CAPN3: variants seen among roughly 807,000 people sequenced by gnomAD.
The protein encoded by CAPN3 is calpain 3.
Under a neutral mutation model 114.0 loss-of-function variants are expected in CAPN3, and 88 were observed. The ratio of observed to expected loss-of-function variants is 0.77; its 90% CI spans 0.65 to 0.92. The LOEUF (loss-of-function observed/expected upper bound fraction) is 0.92, where lower values mean the gene tolerates loss of function less well. Ranked by LOEUF, CAPN3 falls within the 40% of genes least tolerant of loss-of-function variation. The pLI is 0.00. For synonymous variants in CAPN3, 386 were observed against 382.9 expected (o/e 1.01, Z -0.09); for missense variants, 1,028 against 1,069.0 (o/e 0.96, Z 0.53).
chr15:42,391,988 AC>A (rs541389647), intron 6 of CAPN3, among the ~76,000 whole-genome samples: 239 of 151,808 alleles, frequency 1.6e-3, no homozygotes, highest in African/African-American at 5.5e-3. Context: ...ACATGGTGAA[AC>A]CCCGTTTCTA....
At chr15:42,390,222 G>C (rs2053519773) in intron 6 of CAPN3, 126 bp downstream of exon 6, 1 of 1,076,364 alleles carries the variant, frequency 9.3e-7, no homozygotes, top group South Asian at 1.3e-5. Flanking sequence ...ACCTCCCAAG[G>C]GTCTGGGTTG....
intron 6 of CAPN3, among the ~76,000 whole-genome samples, chr15:42,390,893 T>G (rs1307712668): frequency 6.7e-6 from 1 of 149,340 alleles, no homozygotes; most frequent in Non-Finnish European, 1.5e-5. Flanking sequence ...AAAGTTAAAC[T>G]AATTCTCCTG....
intron 8 of CAPN3, among the ~76,000 whole-genome samples, chr15:42,395,629 G>A (rs1403502846): frequency 6.6e-6 from 1 of 152,192 alleles, no homozygotes; most frequent in Admixed American, 6.5e-5. Flanking sequence ...CAAGTCACCT[G>A]CAGGGACGCT....
Position 42,408,300 on chromosome 15 carries a change from T to C in CAPN3, c.1890T>C (p.Pro630=). 1 of 1,613,402 alleles carries C rather than the reference T, an allele frequency of 6.2e-7. No homozygotes were observed. The highest frequency in any genetic ancestry group is 8.5e-7 in the Non-Finnish European group (1 of 1,179,456). The part of the protein sequence containing the change: ...ESEEGKGKTS[P]DKQKQSPQPQ... The stretch of plus-strand genomic sequence containing the variant: ...AGGAGGGCAAAGGCAAAACAAGCCC[T>C]GATAAGCAAAAGCAGTCCCCACAGG... The change falls in exon 16 of 24, where the codon CCT becomes CCC. Residue 630 remains proline, a synonymous_variant. Transcript: ENST00000397163.
chr15:42,360,789 C>G (rs2052622334), intron 1 of CAPN3, among the ~76,000 whole-genome samples: 1 of 152,204 alleles, frequency 6.6e-6, no homozygotes, highest in Non-Finnish European at 1.5e-5. Context: ...TTTTAGGAAA[C>G]TCTCCCAGCC....
At chr15:42,407,646 T>C (rs1006773321) in intron 15 of CAPN3, among the ~76,000 whole-genome samples, 2 of 152,138 alleles carry the variant, frequency 1.3e-5, no homozygotes, top group Non-Finnish European at 2.9e-5. Context: ...ATATTTCTTA[T>C]ATGAGGGGCA....
intron 8 of CAPN3, among the ~76,000 whole-genome samples, chr15:42,395,627 C>T (rs922276691): frequency 2.0e-5 from 3 of 152,170 alleles, no homozygotes; most frequent in African/African-American, 7.2e-5. Flanking sequence ...CCCAAGTCAC[C>T]TGCAGGGACG....
chr15:42,375,160 G>C (rs76743073), intron 1 of CAPN3, among the ~76,000 whole-genome samples: 7,961 of 151,802 alleles, frequency 0.052, 642 homozygotes, highest in African/African-American at 0.17. Context: ...GGTCTCATGT[G>C]TCTTTTTCAG....
chr15:42,380,433 T>G (rs1395631913), intron 1 of CAPN3, among the ~76,000 whole-genome samples: 1 of 130,646 alleles, frequency 7.7e-6, no homozygotes, highest in East Asian at 2.3e-4. Context: ...CAGGCTGGAG[T>G]GCAGTGGTAT....
At chr15:42,404,977 A>G (rs28364502) in intron 14 of CAPN3, 188 of 993,930 alleles carry the variant, frequency 1.9e-4, no homozygotes, top group Non-Finnish European at 2.2e-4. Context: ...AGGCAGGTGC[A>G]GGGGTTTTGA....
chr15:42,361,235 G>A (rs1465148290), intron 1 of CAPN3, among the ~76,000 whole-genome samples: 1 of 152,200 alleles, frequency 6.6e-6, no homozygotes, highest in East Asian at 1.9e-4. Flanking sequence ...GAAGGCCCAG[G>A]CTGGAGGATT....
chr15:42,372,162 C>T (rs2052967233), intron 1 of CAPN3, among the ~76,000 whole-genome samples: 1 of 149,986 alleles, frequency 6.7e-6, no homozygotes, highest in African/African-American at 2.5e-5. Flanking sequence ...ACATCTTTAA[C>T]ATTTTTTTTT....
rs2053872517 is a variant in CAPN3 at position 42,401,659 on chromosome 15, C to T, written c.1373C>T (p.Pro458Leu). ...GGTGCAGATACTTTCTGGACCAACC[C>T]TCAGTACCGTCTGAAGCTCCTGGAG... ...RNFPDTFWTN[P>L]QYRLKLLEED... The change falls in exon 11 of 24, where the codon CCT becomes CTT. Residue 458 changes from proline (P) to leucine (L), a missense_variant. Transcript: ENST00000397163. The T allele has an allele frequency of 6.2e-7, 1 of 1,614,174 alleles. No individual in the cohort carries two copies. The highest frequency in any genetic ancestry group is 8.5e-7 in the Non-Finnish European group (1 of 1,180,024).
At chr15:42,366,387 T>C (rs2141116019) in intron 1 of CAPN3, among the ~76,000 whole-genome samples, 1 of 152,208 alleles carries the variant, frequency 6.6e-6, no homozygotes, top group South Asian at 2.1e-4. Context: ...GTCCTCATCA[T>C]CCAGGCAGAA....
chr15:42,408,738 C>T (rs559410170), intron 16 of CAPN3: 8 of 346,804 alleles, frequency 2.3e-5, no homozygotes, highest in South Asian at 9.3e-5. Context: ...CTAGAGCTCA[C>T]GGGAGGGTGT....
Position 42,412,303 on chromosome 15 carries a change from T to C in CAPN3, c.*530T>C, listed in dbSNP as rs1365585164. Reference sequence around the variant, plus strand: ...AAAAAAGCTGATCTAAATAAAGGCATGTGTATGGCTGGTCCCCTTGTGTTT... The same window carrying C: ...AAAAAAGCTGATCTAAATAAAGGCACGTGTATGGCTGGTCCCCTTGTGTTT... On this transcript the variant is annotated 3_prime_UTR_variant, in exon 24 of 24. Coordinates refer to ENST00000397163, the MANE Select transcript of CAPN3 (RefSeq NM_000070.3). 1 of 878,392 alleles carries C rather than the reference T, an allele frequency of 1.1e-6. No homozygotes were observed. Among genetic ancestry groups the C allele is most frequent in the Non-Finnish European group, 1.7e-6 (1 of 575,852 alleles). The allele number at this position is 878,392 out of a possible 1,614,324, so 54.4% of individuals were successfully genotyped here.
intron 7 of CAPN3, among the ~76,000 whole-genome samples, chr15:42,394,005 C>T (rs1251550158): frequency 6.6e-6 from 1 of 152,106 alleles, no homozygotes; most frequent in Non-Finnish European, 1.5e-5. Flanking sequence ...CAGGATGTTC[C>T]TGAGAAAATT....
intron 14 of CAPN3, chr15:42,404,383 G>C: frequency 2.2e-6 from 1 of 456,512 alleles, no homozygotes; most frequent in South Asian, 1.5e-5. Flanking sequence ...CTTTTCACAT[G>C]TGTCATCGCG....
intron 1 of CAPN3, among the ~76,000 whole-genome samples, chr15:42,378,856 A>G (rs192535473): frequency 7.4e-4 from 112 of 152,280 alleles, no homozygotes; most frequent in Non-Finnish European, 3.2e-4. Context: ...ACTTAGTTAA[A>G]AACATTTTGT....
Sources: allele counts gnomAD v4.1 joint callset (sites outside exome capture counted in the v4.1 genomes callset), GRCh38; gene constraint gnomAD v4.1.1; transcripts MANE v1.5; gene names NCBI Gene and HGNC (gene_info 2026-07-23, HGNC 2026-07-21).